The following ITPR2 variants were observed in gnomAD, a reference collection of about 807,000 sequenced individuals.
The protein encoded by ITPR2 is inositol 1,4,5-trisphosphate receptor type 2, also known as inositol 1,4,5-trisphosphate-gated calcium channel ITPR2.
Under a neutral mutation model 317.1 loss-of-function variants are expected in ITPR2, and 207 were observed. The observed-to-expected ratio is 0.65, with a 90% confidence interval of 0.58 to 0.73. The LOEUF (loss-of-function observed/expected upper bound fraction) is 0.73, where lower values mean the gene tolerates loss of function less well. Ranked by LOEUF, ITPR2 falls within the 30% of genes least tolerant of loss-of-function variation. ITPR2 has a pLI of 0.00. For synonymous variants in ITPR2, 1,156 were observed against 1,149.1 expected (o/e 1.01, Z -0.12); for missense variants, 2,613 against 3,284.0 (o/e 0.80, Z 4.99).
intron 49 of ITPR2, among the ~76,000 whole-genome samples, chr12:26,423,288 C>T (rs1243069590): frequency 3.3e-5 from 5 of 152,108 alleles, no homozygotes; most frequent in Admixed American, 6.6e-5. Context: ...TGGTGGAACT[C>T]GACCTTACGA....
At chr12:26,722,281 A>G (rs1011189019) in intron 5 of ITPR2, 116 bp downstream of exon 5, 38 of 837,634 alleles carry the variant, frequency 4.5e-5, no homozygotes, top group Admixed American at 3.6e-4. Flanking sequence ...TAACATAAAA[A>G]TCAGGTATTG....
intron 49 of ITPR2, among the ~76,000 whole-genome samples, chr12:26,420,221 AAAGAATTACAGATTTC>A (rs1432494639): frequency 6.6e-6 from 1 of 152,156 alleles, no homozygotes; most frequent in African/African-American, 2.4e-5. Flanking sequence ...GTCATCAAGG[AAAGAATTACAGATTTC>A]AAGGGTTTAC....
intron 41 of ITPR2, among the ~76,000 whole-genome samples, chr12:26,485,828 A>G (rs1402469355): frequency 6.6e-6 from 1 of 152,224 alleles, no homozygotes; most frequent in African/African-American, 2.4e-5. Context: ...AATACTAGGA[A>G]GACAGGATGC....
chr12:26,742,618 C>A (rs1949250478), intron 2 of ITPR2, among the ~76,000 whole-genome samples: 1 of 151,972 alleles, frequency 6.6e-6, no homozygotes, highest in South Asian at 2.1e-4. Context: ...AGTTTGAGAC[C>A]AGCCTGGCCA....
intron 2 of ITPR2, among the ~76,000 whole-genome samples, chr12:26,751,986 G>A (rs1311302010): frequency 6.6e-6 from 1 of 152,028 alleles, no homozygotes; most frequent in Non-Finnish European, 1.5e-5. Context: ...TATGTCTATA[G>A]TCTTGAGTGG....
intron 45 of ITPR2, among the ~76,000 whole-genome samples, chr12:26,456,847 AT>A (rs1281515403): frequency 6.6e-6 from 1 of 151,812 alleles, no homozygotes; most frequent in East Asian, 1.9e-4. Flanking sequence ...TAATTTTTGT[AT>A]TTTTTACTAG....
chr12:26,545,794 C>A (rs1944380078), intron 37 of ITPR2, among the ~76,000 whole-genome samples: 1 of 152,190 alleles, frequency 6.6e-6, no homozygotes, highest in African/African-American at 2.4e-5. Context: ...TAGCTCCCCT[C>A]CACTGGCATG....
chr12:26,511,157 T>C (rs931889504), intron 37 of ITPR2, among the ~76,000 whole-genome samples: 3 of 152,232 alleles, frequency 2.0e-5, no homozygotes, highest in African/African-American at 7.2e-5. Context: ...GGGTGTCTAA[T>C]TGTTTAAAAG....
At chr12:26,616,794 C>G (rs996448614) in intron 26 of ITPR2, among the ~76,000 whole-genome samples, 5 of 152,108 alleles carry the variant, frequency 3.3e-5, no homozygotes, top group African/African-American at 7.2e-5. Flanking sequence ...CCTCTGCCCC[C>G]CTTCAGACAG....
Position 26,832,735 on chromosome 12 carries a change from G to C in ITPR2, c.47C>G (p.Ser16Cys), listed in dbSNP as rs1476004438. Reference sequence around the variant, plus strand: ...GTTGACCGAGCCCTCCGCGTACAGGGACACGATGTCCCCTATGTAGAGGAA... The same window carrying C: ...GTTGACCGAGCCCTCCGCGTACAGGCACACGATGTCCCCTATGTAGAGGAA... Reference protein sequence around the residue: ...SSFLYIGDIVSLYAEGSVNGF... With the variant: ...SSFLYIGDIVCLYAEGSVNGF... Residue 16 changes from serine to cysteine, a missense_variant, in exon 1 of 57, where the codon TCC becomes TGC. Physicochemically the swap from Ser to Cys is moderately radical, Grantham distance 112. This residue lies in a region of ITPR2 where 515 missense variants were observed against 789.4 expected (regional missense o/e 0.65). Coordinates refer to ENST00000381340, the MANE Select transcript of ITPR2 (RefSeq NM_002223.4). 1.2e-6 allele frequency: 2 copies of C among 1,601,682 alleles called. No homozygotes were observed. The highest frequency in any genetic ancestry group is 1.7e-5 in the Admixed American group (1 of 58,790).
At position 26,465,978 on chromosome 12, in the gene ITPR2, G is replaced by A. The variant is rs567873926; in HGVS notation, c.6342+9318C>T. 3.3e-5 allele frequency among the ~76,000 whole-genome samples: 5 copies of A among 152,212 alleles called. No individual in the cohort carries two copies. The East Asian group carries it at 5.8e-4, about 18-fold the overall frequency. ...AGAGCAGCAGGATTTTCACATACCT[G>A]GGCAAGTAGGATAAGTCTATTTTCT... On this transcript the variant is annotated intron_variant, in intron 45 of 56. Coordinates refer to ENST00000381340, the MANE Select transcript of ITPR2 (RefSeq NM_002223.4).
At chr12:26,576,678 G>T (rs1591920457) in intron 34 of ITPR2, among the ~76,000 whole-genome samples, 1 of 152,132 alleles carries the variant, frequency 6.6e-6, no homozygotes, top group East Asian at 1.9e-4. Context: ...TGGGTTGGGG[G>T]TTACAGTCAA....
chr12:26,824,690 TA>T (rs1476893545), intron 1 of ITPR2, among the ~76,000 whole-genome samples: 1 of 152,214 alleles, frequency 6.6e-6, no homozygotes, highest in Non-Finnish European at 1.5e-5. Context: ...AAACCATACA[TA>T]AAACTGGGAA....
intron 19 of ITPR2, 123 bp from the exon 20 acceptor site, chr12:26,655,975 G>A: frequency 3.1e-6 from 3 of 954,426 alleles, no homozygotes; most frequent in Non-Finnish European, 4.7e-6. Flanking sequence ...CTAGAGGCTG[G>A]GTCCTCATCT....
intron 46 of ITPR2, 142 bp from the exon 47 acceptor site, chr12:26,439,461 C>A: frequency 1.8e-6 from 1 of 563,306 alleles, no homozygotes; most frequent in Non-Finnish European, 3.1e-6. Flanking sequence ...TCTGAAAGAA[C>A]CCTTTTTACT....
At chr12:26,707,455 T>C (rs1458890226) in intron 9 of ITPR2, among the ~76,000 whole-genome samples, 2 of 152,218 alleles carry the variant, frequency 1.3e-5, no homozygotes, top group Admixed American at 1.3e-4. Context: ...TAGGAGGTTG[T>C]CACTCAAAAT....
At chr12:26,419,305 C>A in intron 49 of ITPR2, 92 bp from the exon 50 acceptor site, 1 of 1,067,046 alleles carries the variant, frequency 9.4e-7, no homozygotes, top group Non-Finnish European at 1.3e-6. Context: ...GACTTTTTGA[C>A]ATGGATGAAA....
chr12:26,413,717 A>G (rs544267546), intron 51 of ITPR2, among the ~76,000 whole-genome samples: 2 of 152,166 alleles, frequency 1.3e-5, no homozygotes, highest in African/African-American at 2.4e-5. Flanking sequence ...ACAGCATTCT[A>G]TATGAATGTG....
intron 55 of ITPR2, among the ~76,000 whole-genome samples, chr12:26,382,674 C>A (rs541308781): frequency 4.0e-4 from 60 of 149,206 alleles, no homozygotes; most frequent in East Asian, 2.8e-3. Flanking sequence ...CACACACACA[C>A]ACAAAAAAAA....
Sources: allele counts gnomAD v4.1 joint callset (sites outside exome capture counted in the v4.1 genomes callset), GRCh38; gene constraint gnomAD v4.1.1; regional missense constraint gnomAD v4.1.1; transcripts MANE v1.5; gene names NCBI Gene and HGNC (gene_info 2026-07-23, HGNC 2026-07-21).